The following SOX6 variants were observed in gnomAD, a reference collection of about 807,000 sequenced individuals.
SOX6 encodes transcription factor SOX-6.
A neutral mutation model predicts 97.8 loss-of-function variants in SOX6; 11 were observed. The ratio of observed to expected loss-of-function variants is 0.11; its 90% CI spans 0.07 to 0.19. SOX6 has a LOEUF of 0.19. Among genes scored for constraint, SOX6 ranks in the 10% least tolerant of loss-of-function variants. The pLI is 1.00. For missense variants in SOX6, 810 were observed against 1,039.5 expected, an observed-to-expected ratio of 0.78 and a Z score of 3.04; for synonymous variants, 360 against 371.4, an observed-to-expected ratio of 0.97 and a Z score of 0.35.
At chr11:16,712,634 T>C (rs1241049226) in intron 3 of SOX6, among the ~76,000 whole-genome samples, 3 of 152,178 alleles carry the variant, frequency 2.0e-5, no homozygotes, top group East Asian at 1.9e-4. Flanking sequence ...TGCTGTTCCC[T>C]TTACCTAAAA....
At chr11:16,632,625 G>A (rs1848725837) in intron 3 of SOX6, among the ~76,000 whole-genome samples, 1 of 152,190 alleles carries the variant, frequency 6.6e-6, no homozygotes, top group Non-Finnish European at 1.5e-5. Flanking sequence ...CGGAGGGCAG[G>A]CACAAGCACC....
Position 16,121,386 on chromosome 11 carries a change from G to A in SOX6, c.778-9463C>T, listed in dbSNP as rs569098535. 5.3e-4 allele frequency among the ~76,000 whole-genome samples: 81 copies of A among 152,146 alleles called. No individual in the cohort carries two copies. In the South Asian group the frequency reaches 8.1e-3, roughly 15 times the overall value. On this transcript the variant is annotated intron_variant, in intron 6 of 15. Coordinates refer to ENST00000683767, the MANE Select transcript of SOX6 (RefSeq NM_001367873.1). The stretch of plus-strand genomic sequence containing the variant: ...ATGCTACTCCAAAAGAGAAGGCAGT[G>A]TTGCTTGTCTTAATTCAACTCTTCA...
At chr11:16,482,513 T>TA (rs1406284175) in intron 4 of SOX6, among the ~76,000 whole-genome samples, 2 of 152,214 alleles carry the variant, frequency 1.3e-5, no homozygotes, top group Non-Finnish European at 2.9e-5. Context: ...TGCAAACTAC[T>TA]AATTTGCTCT....
At chr11:16,307,035 A>AGT (rs1455777939) in intron 3 of SOX6, among the ~76,000 whole-genome samples, 1 of 152,164 alleles carries the variant, frequency 6.6e-6, no homozygotes, top group African/African-American at 2.4e-5. Context: ...AGGAATGTCC[A>AGT]AGTTATATGT....
intron 3 of SOX6, among the ~76,000 whole-genome samples, chr11:16,672,623 A>T (rs1228648770): frequency 6.6e-6 from 1 of 152,188 alleles, no homozygotes. Context: ...AGCACACAAA[A>T]GACCCGCCCC....
chr11:16,334,996 A>G (rs570644325), intron 2 of SOX6, among the ~76,000 whole-genome samples: 1 of 152,290 alleles, frequency 6.6e-6, no homozygotes, highest in East Asian at 1.9e-4. Flanking sequence ...AAGGAAATCA[A>G]TGTGTCAACA....
In SOX6 at chr11:16,620,056, T is replaced by C. The variant is rs563465648; in HGVS notation, n.430-7796A>G. ...AAACATAAGGAACAAAGAAATTACT[T>C]TGAACCAGCAACATTTAGTCCTTGA... On this transcript the variant is annotated intron_variant and non_coding_transcript_variant, in intron 3 of 5. Transcript: ENST00000524520. 1.1e-4 allele frequency among the ~76,000 whole-genome samples: 17 copies of C among 152,276 alleles called. No individual in the cohort carries two copies. In the East Asian group the frequency reaches 3.3e-3, roughly 29 times the overall value.
intron 3 of SOX6, among the ~76,000 whole-genome samples, chr11:16,684,296 G>A (rs2134031862): frequency 6.6e-6 from 1 of 152,228 alleles, no homozygotes; most frequent in South Asian, 2.1e-4. Context: ...GTATATTATG[G>A]CACTAATCAC....
At chr11:16,182,378 A>G (rs1851368302) in intron 6 of SOX6, among the ~76,000 whole-genome samples, 1 of 151,840 alleles carries the variant, frequency 6.6e-6, no homozygotes, top group Non-Finnish European at 1.5e-5. Flanking sequence ...ATGTTATTTA[A>G]CACCTACTGA....
chr11:16,162,715 G>A (rs979421728), intron 6 of SOX6, among the ~76,000 whole-genome samples: 8 of 152,066 alleles, frequency 5.3e-5, no homozygotes, highest in East Asian at 1.9e-4. Context: ...ACCCAGTCTC[G>A]AGTATTTATT....
intron 1 of SOX6, among the ~76,000 whole-genome samples, chr11:16,391,267 C>G (rs1858173202): frequency 6.6e-6 from 1 of 152,130 alleles, no homozygotes. Context: ...CAGCAAACCA[C>G]CATGGCACGT....
chr11:16,080,175 A>G (rs927185105), intron 9 of SOX6, among the ~76,000 whole-genome samples: 3 of 151,290 alleles, frequency 2.0e-5, no homozygotes, highest in African/African-American at 7.3e-5. Flanking sequence ...TCTACAATGT[A>G]TACATAGATC....
At chr11:15,979,366 G>A (rs938758080) in intron 15 of SOX6, among the ~76,000 whole-genome samples, 1 of 151,766 alleles carries the variant, frequency 6.6e-6, no homozygotes, top group African/African-American at 2.4e-5. Context: ...ACTCCAATCT[G>A]GTTTATTGTA....
chr11:16,222,080 T>G (rs895977097), intron 4 of SOX6, among the ~76,000 whole-genome samples: 2 of 152,090 alleles, frequency 1.3e-5, no homozygotes, highest in African/African-American at 4.8e-5. Flanking sequence ...ATTGCCTTCA[T>G]ACACTTCAAT....
intron 3 of SOX6, among the ~76,000 whole-genome samples, chr11:16,696,544 T>C (rs1206368245): frequency 6.6e-6 from 1 of 152,266 alleles, no homozygotes; most frequent in Non-Finnish European, 1.5e-5. Context: ...TGAATTTTTT[T>C]TGCTTTTTGT....
At chr11:16,323,650 A>G (rs1855988969) in intron 2 of SOX6, among the ~76,000 whole-genome samples, 1 of 152,230 alleles carries the variant, frequency 6.6e-6, no homozygotes, top group East Asian at 1.9e-4. Flanking sequence ...CCTCACTATC[A>G]TGCTACCCTC....
rs190878389 is a variant in SOX6 at position 16,518,118 on chromosome 11, C to T, written n.610-41730G>A. Among the ~76,000 whole-genome samples the T allele has an allele frequency of 3.3e-5, 5 of 152,292 alleles. No individual in the cohort carries two copies. The East Asian group carries it at 9.6e-4, about 29-fold the overall frequency. On this transcript the variant is annotated intron_variant and non_coding_transcript_variant, in intron 4 of 5. Coordinates refer to the SOX6 transcript ENST00000524520. ...TCCACAGCAGTCCTACACATAAAGCCTGAAATCTTTACCGTCCTGTTAAAG... is the reference window on the plus strand; with the variant it reads ...TCCACAGCAGTCCTACACATAAAGCTTGAAATCTTTACCGTCCTGTTAAAG...
chr11:16,580,134 G>C (rs1378238465), intron 4 of SOX6, among the ~76,000 whole-genome samples: 1 of 152,132 alleles, frequency 6.6e-6, no homozygotes, highest in Non-Finnish European at 1.5e-5. Flanking sequence ...CTGGGTCATT[G>C]ATTCCTATGC....
intron 3 of SOX6, among the ~76,000 whole-genome samples, chr11:16,293,104 G>A (rs1328645746): frequency 6.6e-6 from 1 of 152,084 alleles, no homozygotes; most frequent in African/African-American, 2.4e-5. Context: ...TTTGTAAATT[G>A]TCAATGTTTT....
Sources: allele counts gnomAD v4.1 joint callset (sites outside exome capture counted in the v4.1 genomes callset), GRCh38; gene constraint gnomAD v4.1.1; transcripts MANE v1.5; gene names NCBI Gene and HGNC (gene_info 2026-07-23, HGNC 2026-07-21).